ITGA2B: variants seen among roughly 807,000 people sequenced by gnomAD.
ITGA2B encodes integrin subunit alpha 2b.
Under a neutral mutation model 142.0 loss-of-function variants are expected in ITGA2B, and 91 were observed. That is an observed-to-expected ratio of 0.64 (90% CI 0.54 to 0.76). The LOEUF (loss-of-function observed/expected upper bound fraction) is 0.76, where lower values mean the gene tolerates loss of function less well. Among genes scored for constraint, ITGA2B ranks in the 30% least tolerant of loss-of-function variants. ITGA2B has a pLI of 0.00. For missense variants in ITGA2B, 1,231 were observed against 1,350.8 expected (o/e 0.91, Z 1.39); for synonymous variants, 536 against 567.2 (o/e 0.94, Z 0.78).
At position 44,375,481 on chromosome 17, in the gene ITGA2B, A is replaced by G. The variant is rs556286018; in HGVS notation, c.2727+110T>C. On this transcript the variant is annotated intron_variant, in intron 26 of 29. Coordinates refer to ENST00000262407, the MANE Select transcript of ITGA2B (RefSeq NM_000419.5). ...TCACTTGAAGTGCTCCCAGGGACCA[A>G]GCGTGGCCCACAGAGGCCCACAGCA... 1.8e-5 allele frequency: 24 copies of G among 1,349,862 alleles called. 1 individual carries two copies. In the South Asian group the frequency reaches 2.9e-4, roughly 16 times the overall value. The allele number at this position is 1,349,862 out of a possible 1,614,324, so 83.6% of individuals were successfully genotyped here. A position where few individuals can be genotyped will look rare whatever the true frequency, so the allele number is the denominator to read the frequency against.
chr17:44,381,604 A>C (rs1235235865), intron 12 of ITGA2B, among the ~76,000 whole-genome samples: 41 of 148,414 alleles, frequency 2.8e-4, no homozygotes, highest in Middle Eastern at 4.0e-3. Flanking sequence ...TGCTGGGATT[A>C]CAGGTGTGAG....
intron 26 of ITGA2B, 141 bp from the exon 27 acceptor site, chr17:44,375,252 C>A (rs1360771560): frequency 2.8e-5 from 21 of 740,930 alleles, no homozygotes; most frequent in Non-Finnish European, 4.2e-5. Flanking sequence ...GGCCTTGGAT[C>A]CAAGCTTCGG....
chr17:44,385,197 C>T lies in ITGA2B; in HGVS notation c.637G>A (p.Val213Met), dbSNP rs779906682. The T allele has an allele frequency of 3.6e-5, 58 of 1,613,942 alleles. No individual in the cohort carries two copies. The highest frequency in any genetic ancestry group is 4.7e-5 in the Non-Finnish European group (56 of 1,180,018). ...SSVVTQAGEL[V>M]LGAPGGYYFL... is the part of the protein sequence containing the mutation. ...TAATAGCCGCCAGGAGCCCCAAGCA[C>T]CAGCTCTCCGGCCTGGAAGGGAAGT... Residue 213 changes from valine (V) to methionine (M), a missense_variant, in exon 6 of 30, where the codon GTG (valine) becomes ATG (methionine). This residue lies in a region of ITGA2B where 318 missense variants were observed against 312.2 expected (regional missense o/e 1.02). Coordinates refer to ENST00000262407, the MANE Select transcript of ITGA2B (RefSeq NM_000419.5).
In ITGA2B at chr17:44,377,031, A is replaced by G; in HGVS notation, c.2245T>C (p.Ser749Pro). ...TACCTCCGTATCTGCAGCTGGAAGGACACAGACTCCCCAGCCTCTTCCAGA... is the reference window on the plus strand; with the variant it reads ...TACCTCCGTATCTGCAGCTGGAAGGGCACAGACTCCCCAGCCTCTTCCAGA... ...GNLEEAGESV[S>P]FQLQIRSKNS... is the part of the protein sequence containing the mutation. The change falls in exon 22 of 30, where the codon TCC becomes CCC. Residue 749 changes from serine to proline, a missense_variant. Transcript: ENST00000262407. 6.3e-7 allele frequency: 1 copy of G among 1,593,092 alleles called. No individual in the cohort carries two copies. Among genetic ancestry groups the G allele is most frequent in the Non-Finnish European group, 8.5e-7 (1 of 1,170,166 alleles).
In ITGA2B at chr17:44,385,546, C is replaced by A; in HGVS notation, c.574+5G>T. 1 of 1,561,256 alleles carries A rather than the reference C, an allele frequency of 6.4e-7. No individual in the cohort carries two copies. The stretch of plus-strand genomic sequence containing the variant: ...GGGCGGGGCCAGGTCGTAGCTGGCG[C>A]TTACTAAAATCATTTTCCACGTAAA... On this transcript the variant is annotated splice_donor_5th_base_variant and intron_variant, in intron 4 of 29. Transcript: ENST00000262407.
intron 29 of ITGA2B, among the ~76,000 whole-genome samples, chr17:44,372,692 G>A (rs960514806): frequency 1.1e-4 from 17 of 151,530 alleles, no homozygotes; most frequent in African/African-American, 2.2e-4. Context: ...GTAGTGGCTC[G>A]ATCTCGGCTC....
At chr17:44,373,342 T>C (rs1053773976) in intron 29 of ITGA2B, among the ~76,000 whole-genome samples, 3 of 151,982 alleles carry the variant, frequency 2.0e-5, no homozygotes, top group African/African-American at 7.3e-5. Context: ...TTCACCATGT[T>C]TGTCAGGCTG....
chr17:44,374,160 C>A, intron 29 of ITGA2B, 194 bp downstream of exon 29: 1 of 636,194 alleles, frequency 1.6e-6, no homozygotes, highest in Middle Eastern at 4.3e-4. Flanking sequence ...AACGCTTTGG[C>A]CTCCCAAAGT....
chr17:44,381,139 T>C lies in ITGA2B; in HGVS notation c.1211-78A>G. On this transcript the variant is annotated intron_variant, in intron 12 of 29. Transcript: ENST00000262407. ...TGACTGTAAAACTTTCCTGAGCTTC[T>C]CTGGGAACATCCCAGGAGACTAGGA... 7.2e-7 allele frequency: 1 copy of C among 1,396,352 alleles called. No individual in the cohort carries two copies. The highest frequency in any genetic ancestry group is 9.8e-7 in the Non-Finnish European group (1 of 1,018,488). 86.5% of individuals were successfully genotyped at this position (1,396,352 alleles called of 1,614,324 possible). A position where few individuals can be genotyped will look rare whatever the true frequency, so the allele number is the denominator to read the frequency against.
At chr17:44,374,951 G>T in intron 27 of ITGA2B, 47 bp downstream of exon 27, 3 of 1,466,280 alleles carry the variant, frequency 2.0e-6, no homozygotes, top group Non-Finnish European at 1.8e-6. Flanking sequence ...GAGCAAAGTG[G>T]TCCCCGCCCA....
At chr17:44,377,482 C>T (rs536067701) in intron 21 of ITGA2B, among the ~76,000 whole-genome samples, 6 of 152,302 alleles carry the variant, frequency 3.9e-5, no homozygotes, top group Admixed American at 3.9e-4. Context: ...GCGTGAGCCA[C>T]CGCACCAGGC....
chr17:44,379,569 C>A, intron 18 of ITGA2B, 120 bp downstream of exon 18: 1 of 1,514,172 alleles, frequency 6.6e-7, no homozygotes, highest in Non-Finnish European at 9.1e-7. Flanking sequence ...TTGAGGTTTT[C>A]ATTAGGGTTT....
intron 29 of ITGA2B, 61 bp from the exon 30 acceptor site, chr17:44,372,484 T>C: frequency 6.7e-7 from 1 of 1,499,084 alleles, no homozygotes; most frequent in Non-Finnish European, 9.3e-7. Flanking sequence ...CCAGAGCACA[T>C]GTGAGGAAGT....
At position 44,389,585 on chromosome 17, in the gene ITGA2B, T is replaced by C. The variant is rs1349914843; in HGVS notation, c.-112A>G. ...CAAACTGGAACCCCAAGTAACTTGC[T>C]GAGCAACGGGCAGAGCAAAGGGCTA... On this transcript the variant is annotated 5_prime_UTR_variant, in exon 1 of 30. Transcript: ENST00000262407. The C allele has an allele frequency of 8.1e-7, 1 of 1,235,784 alleles. No individual in the cohort carries two copies. Among genetic ancestry groups the C allele is most frequent in the Middle Eastern group, 2.7e-4 (1 of 3,750 alleles). The allele number at this position is 1,235,784 out of a possible 1,614,324, so 76.6% of individuals were successfully genotyped here. A position where few individuals can be genotyped will look rare whatever the true frequency, so the allele number is the denominator to read the frequency against.
At position 44,389,316 on chromosome 17, in the gene ITGA2B, G is replaced by A. The variant is rs2048677906; in HGVS notation, c.158C>T (p.Ser53Leu). 2 of 1,614,052 alleles carry A rather than the reference G, an allele frequency of 1.2e-6. No individual in the cohort carries two copies. The highest frequency in any genetic ancestry group is 2.2e-5 in the South Asian group (2 of 91,078). ...AGPNGSQFGF[S>L]LDFHKDSHGR... ...ATGGCTGTCCTTGTGGAAGTCCAGTGAAAATCCAAACTGGCTGCCATTGGG... is the reference window on the plus strand; with the variant it reads ...ATGGCTGTCCTTGTGGAAGTCCAGTAAAAATCCAAACTGGCTGCCATTGGG... Residue 53 changes from serine (S) to leucine (L), a missense_variant, in exon 1 of 30, where the codon TCA becomes TTA. This residue lies in a region of ITGA2B where 318 missense variants were observed against 312.2 expected (regional missense o/e 1.02). Transcript: ENST00000262407.
chr17:44,384,413 G>T lies in ITGA2B; in HGVS notation c.848-59C>A. On this transcript the variant is annotated intron_variant, in intron 8 of 29. Transcript: ENST00000262407. ...GAGCCTTAGAACCTACCCACTTCCCGCTCCCCGTTCTGCACCCAGGGAAAA... is the reference window on the plus strand; with the variant it reads ...GAGCCTTAGAACCTACCCACTTCCCTCTCCCCGTTCTGCACCCAGGGAAAA... The T allele has an allele frequency of 1.9e-6, 3 of 1,607,484 alleles. No homozygotes were observed. In the Admixed American group the frequency reaches 5.0e-5, roughly 27 times the overall value.
Position 44,383,627 on chromosome 17 carries a change from A to C in ITGA2B, c.1076T>G (p.Val359Gly), listed in dbSNP as rs1411719270. ...GCCTCGCGGCTGCAGGAACAAATAC[A>C]CACGCCCCACTTCGGCCAGTTTTCG... Reference protein sequence around the residue: ...ADRKLAEVGRVYLFLQPRGPH... With the variant: ...ADRKLAEVGRGYLFLQPRGPH... The change falls in exon 12 of 30, where the codon GTG becomes GGG. Residue 359 changes from valine to glycine, a missense_variant. By Grantham distance (109) the Val-to-Gly change is moderately radical. Coordinates refer to ENST00000262407, the MANE Select transcript of ITGA2B (RefSeq NM_000419.5). The C allele has an allele frequency of 6.2e-7, 1 of 1,605,730 alleles. No individual in the cohort carries two copies. The highest frequency in any genetic ancestry group is 1.3e-5 in the African/African-American group (1 of 74,940).
intron 27 of ITGA2B, 46 bp downstream of exon 27, chr17:44,374,952 T>TG: frequency 4.1e-6 from 6 of 1,465,140 alleles, no homozygotes; most frequent in Non-Finnish European, 5.5e-6. Flanking sequence ...AGCAAAGTGG[T>TG]CCCCGCCCAG....
rs1235828631 is a variant in ITGA2B, at chr17:44,381,009, C to A, written c.1263G>T (p.Leu421=). ...YGGPSGRGQV[L]VFLGQSEGLR... is the part of the protein sequence containing the mutation. ...GCCCCTCACTCTGACCCAGGAACAC[C>A]AGCACTTGGCCCCGGCCACTGGGAC... The change falls in exon 13 of 30, where the codon CTG becomes CTT. Residue 421 remains leucine, a synonymous_variant. Transcript: ENST00000262407. 6.2e-7 allele frequency: 1 copy of A among 1,613,138 alleles called. No homozygotes were observed. Among genetic ancestry groups the A allele is most frequent in the Non-Finnish European group, 8.5e-7 (1 of 1,179,474 alleles).
Sources: gnomAD v4.1 joint callset for allele counts (sites outside exome capture counted in the v4.1 genomes callset) on GRCh38, gnomAD v4.1.1 for gene constraint, gnomAD v4.1.1 regional missense constraint, MANE v1.5 for transcripts, NCBI Gene and HGNC (gene_info 2026-07-23, HGNC 2026-07-21) for gene names.